The following AFF3 variants were observed in gnomAD, a reference collection of about 807,000 sequenced individuals.
AFF3 encodes the protein ALF transcription elongation factor 3.
In AFF3, 32 loss-of-function variants were observed where a neutral mutation model predicts 129.7. The observed-to-expected ratio is 0.25, with a 90% CI of 0.19 to 0.33. The LOEUF (loss-of-function observed/expected upper bound fraction) is 0.33. Among genes scored for constraint, AFF3 ranks in the 10% least tolerant of loss-of-function variants. The probability of loss-of-function intolerance (pLI) is 1.00; values close to 1 mark genes in which losing one functional copy is unlikely to be tolerated. For synonymous variants in AFF3, 644 were observed against 635.4 expected, an observed-to-expected ratio of 1.01 and a Z score of -0.20; for missense variants, 1,373 against 1,592.0, an observed-to-expected ratio of 0.86 and a Z score of 2.34.
chr2:99,679,157 T>A (rs911140394), intron 11 of AFF3, among the ~76,000 whole-genome samples: 3 of 152,156 alleles, frequency 2.0e-5, no homozygotes, highest in Non-Finnish European at 2.9e-5. Flanking sequence ...TCTGATGTTT[T>A]AAAACCCAGG....
At chr2:99,797,553 A>G (rs924466960) in intron 8 of AFF3, among the ~76,000 whole-genome samples, 1 of 152,152 alleles carries the variant, frequency 6.6e-6, no homozygotes, top group African/African-American at 2.4e-5. Flanking sequence ...GATAAAAAAC[A>G]TAAATCTACA....
chr2:99,732,770 G>C (rs1468455482), intron 10 of AFF3, among the ~76,000 whole-genome samples: 1 of 152,002 alleles, frequency 6.6e-6, no homozygotes, highest in East Asian at 1.9e-4. Context: ...ACTTTAGCAG[G>C]GAATCCAAAA....
At chr2:99,845,483 A>C (rs1439688744) in intron 7 of AFF3, among the ~76,000 whole-genome samples, 4 of 152,172 alleles carry the variant, frequency 2.6e-5, no homozygotes. Context: ...CCTGATGACT[A>C]ATTGATATTG....
intron 16 of AFF3, among the ~76,000 whole-genome samples, chr2:99,586,215 A>G (rs1339529516): frequency 6.6e-6 from 1 of 152,150 alleles, no homozygotes; most frequent in African/African-American, 2.4e-5. Flanking sequence ...CCCTTTCCCA[A>G]TATTTTGGGC....
At chr2:99,609,291 C>T (rs11895560) in intron 13 of AFF3, among the ~76,000 whole-genome samples, 82,255 of 151,276 alleles carry the variant, frequency 0.54, 22,517 homozygotes, top group African/African-American at 0.62. Context: ...CATGAGTAAG[C>T]TCTTTAGCAT....
At chr2:99,959,508 T>C (rs1677015496) in intron 7 of AFF3, among the ~76,000 whole-genome samples, 1 of 151,478 alleles carries the variant, frequency 6.6e-6, no homozygotes, top group Non-Finnish European at 1.5e-5. Context: ...CAAGGCATAT[T>C]TATACTTAAA....
At chr2:99,634,764 A>C (rs1683460624) in intron 13 of AFF3, among the ~76,000 whole-genome samples, 1 of 151,546 alleles carries the variant, frequency 6.6e-6, no homozygotes, top group African/African-American at 2.4e-5. Context: ...TTCTATATTT[A>C]AGTGCAGAAC....
At chr2:100,022,961 G>A (rs1683721086) in intron 4 of AFF3, among the ~76,000 whole-genome samples, 1 of 152,168 alleles carries the variant, frequency 6.6e-6, no homozygotes, top group South Asian at 2.1e-4. Flanking sequence ...CCCCATCCTT[G>A]ATCTCTGCCA....
At chr2:100,024,688 G>A (rs955596148) in intron 4 of AFF3, among the ~76,000 whole-genome samples, 1 of 151,904 alleles carries the variant, frequency 6.6e-6, no homozygotes, top group Non-Finnish European at 1.5e-5. Context: ...TTAGGAGACT[G>A]GTTAGTAAAT....
At position 99,704,718 on chromosome 2, in the gene AFF3, T is replaced by G. The variant is rs1558767375; in HGVS notation, c.1091+22359A>C. ...TAGGGTGACCTTGAGGTGTCAGAGCTATTCCTATATCCAGTAATACTCTAT... is the reference window on the plus strand; with the variant it reads ...TAGGGTGACCTTGAGGTGTCAGAGCGATTCCTATATCCAGTAATACTCTAT... On this transcript the variant is annotated intron_variant, in intron 11 of 24. Transcript: ENST00000672756. Among the ~76,000 whole-genome samples, 3 of 152,224 alleles carry G rather than the reference T, an allele frequency of 2.0e-5. No homozygotes were observed. In the South Asian group the frequency reaches 6.2e-4, roughly 32 times the overall value.
intron 13 of AFF3, among the ~76,000 whole-genome samples, chr2:99,626,838 C>T (rs1202830886): frequency 6.6e-6 from 1 of 152,108 alleles, no homozygotes; most frequent in Non-Finnish European, 1.5e-5. Flanking sequence ...AGTTAGTTTC[C>T]TTTCCTGTGT....
At chr2:99,687,859 A>C (rs1225928215) in intron 11 of AFF3, among the ~76,000 whole-genome samples, 1 of 152,074 alleles carries the variant, frequency 6.6e-6, no homozygotes, top group African/African-American at 2.4e-5. Context: ...ACGTAAGTCC[A>C]TTTGAAATGG....
At chr2:99,836,411 T>C (rs868563716) in intron 8 of AFF3, among the ~76,000 whole-genome samples, 6 of 152,290 alleles carry the variant, frequency 3.9e-5, no homozygotes, top group South Asian at 4.1e-4. Context: ...ATTTAACATA[T>C]ACTTATATAC....
intron 4 of AFF3, among the ~76,000 whole-genome samples, chr2:100,061,726 T>C (rs1332836239): frequency 1.3e-5 from 2 of 152,116 alleles, no homozygotes; most frequent in African/African-American, 4.8e-5. Flanking sequence ...AGATTCATGA[T>C]TTTTTATACC....
chr2:99,638,852 T>C (rs1340020641), intron 13 of AFF3, among the ~76,000 whole-genome samples: 1 of 152,204 alleles, frequency 6.6e-6, no homozygotes, highest in Non-Finnish European at 1.5e-5. Flanking sequence ...TAAGTACATG[T>C]ATGTTGTTGT....
chr2:100,132,986 G>T (rs12988935), intron 1 of AFF3, among the ~76,000 whole-genome samples: 4 of 151,350 alleles, frequency 2.6e-5, no homozygotes, highest in Non-Finnish European at 5.9e-5. Flanking sequence ...CTGGAGTGCA[G>T]AGGTGTGATC....
chr2:99,825,690 A>G (rs1688030860), intron 8 of AFF3, among the ~76,000 whole-genome samples: 1 of 152,244 alleles, frequency 6.6e-6, no homozygotes, highest in African/African-American at 2.4e-5. Flanking sequence ...GCTTAGTCTC[A>G]TGAAAGATAC....
intron 17 of AFF3, 92 bp downstream of exon 17, chr2:99,582,706 C>T: frequency 7.2e-7 from 1 of 1,383,576 alleles, no homozygotes; most frequent in Non-Finnish European, 1.0e-6. Flanking sequence ...GGACCTCAAG[C>T]ATGTGTTCAG....
intron 8 of AFF3, among the ~76,000 whole-genome samples, chr2:99,822,412 C>T (rs1399335341): frequency 1.3e-5 from 2 of 152,082 alleles, no homozygotes; most frequent in Non-Finnish European, 2.9e-5. Flanking sequence ...TATTGCTGAT[C>T]TCATTTTCTC....
Sources: gnomAD v4.1 joint callset for allele counts (sites outside exome capture counted in the v4.1 genomes callset) on GRCh38, gnomAD v4.1.1 for gene constraint, MANE v1.5 for transcripts, NCBI Gene and HGNC (gene_info 2026-07-23, HGNC 2026-07-21) for gene names.